Variants in PLCZ1 observed in about 807,000 individuals in gnomAD.
PLCZ1 encodes the protein phospholipase C zeta 1.
A neutral mutation model predicts 76.8 loss-of-function variants in PLCZ1; 64 were observed. The ratio of observed to expected loss-of-function variants is 0.83; its 90% confidence interval spans 0.68 to 1.03. The LOEUF (loss-of-function observed/expected upper bound fraction) is 1.03. Ranked by LOEUF, PLCZ1 falls within the 50% of genes least tolerant of loss-of-function variation. The pLI, the probability that PLCZ1 is intolerant of heterozygous loss-of-function variation, is 0.00. For missense variants in PLCZ1, 751 were observed against 713.7 expected (o/e 1.05, Z -0.60); for synonymous variants, 248 against 230.8 (o/e 1.07, Z -0.68).
chr12:18,731,406 T>C (rs1959040036), intron 3 of PLCZ1, among the ~76,000 whole-genome samples: 1 of 152,132 alleles, frequency 6.6e-6, no homozygotes, highest in African/African-American at 2.4e-5. Context: ...AGGTACCTAC[T>C]CTATAATGCA....
At chr12:18,676,230 T>G in the PLCZ1 span, among the ~76,000 whole-genome samples, 6 of 152,260 alleles carry the variant, frequency 3.9e-5, no homozygotes, top group Admixed American at 6.5e-5. Flanking sequence ...TTGTTTGACC[T>G]TTAGGTCAAG....
chr12:18,732,021 T>C (rs1959074966), intron 3 of PLCZ1, among the ~76,000 whole-genome samples: 1 of 152,200 alleles, frequency 6.6e-6, no homozygotes. Context: ...TGAGGTATAA[T>C]TGACATACAG....
the PLCZ1 span, among the ~76,000 whole-genome samples, chr12:18,646,838 C>T: frequency 1.3e-5 from 2 of 151,708 alleles, no homozygotes; most frequent in Non-Finnish European, 2.9e-5. Context: ...GTTGCTTTAC[C>T]ACTGCAGGTT....
At chr12:18,680,779 C>A (rs1952336286), downstream of PLCZ1, among the ~76,000 whole-genome samples, 11 of 152,104 alleles carry the variant, frequency 7.2e-5, no homozygotes, top group South Asian at 2.3e-3. Flanking sequence ...TTAGAAAGGA[C>A]TCACTATTGG....
At chr12:18,696,350 A>ATC in intron 10 of PLCZ1, 84 bp from the exon 11 acceptor site, 2 of 247,362 alleles carry the variant, frequency 8.1e-6, no homozygotes, top group Non-Finnish European at 6.9e-6. Flanking sequence ...ATATATATAT[A>ATC]TCATATAATT....
intron 3 of PLCZ1, among the ~76,000 whole-genome samples, chr12:18,724,785 G>A (rs900406359): frequency 6.6e-6 from 1 of 151,878 alleles, no homozygotes; most frequent in Non-Finnish European, 1.5e-5. Context: ...AAAATCTTAA[G>A]CAAGTCAATA....
intron 3 of PLCZ1, among the ~76,000 whole-genome samples, chr12:18,729,623 C>T (rs1958936469): frequency 6.6e-6 from 1 of 151,994 alleles, no homozygotes; most frequent in Non-Finnish European, 1.5e-5. Flanking sequence ...AACCAACAAT[C>T]AAAAGTGTAA....
In PLCZ1 at chr12:18,719,525, G is replaced by T. The variant is rs200664557; in HGVS notation, c.475C>A (p.His159Asn). The change falls in exon 5 of 15, where the codon CAT becomes AAT. Residue 159 changes from histidine (H) to asparagine (N), a missense_variant. Transcript: ENST00000266505. ...ECRKVYQDMT[H>N]PLNDYFISSS... ...GAAATAAAATAATCATTTAATGGAT[G>T]AGTCATATCTTGATAAACTTTTCTA... is the stretch of plus-strand genomic sequence containing the variant. 6.3e-7 allele frequency: 1 copy of T among 1,584,862 alleles called. No homozygotes were observed. The highest frequency in any genetic ancestry group is 1.7e-5 in the Admixed American group (1 of 58,452).
the PLCZ1 span, among the ~76,000 whole-genome samples, chr12:18,674,933 T>C: frequency 6.6e-6 from 1 of 152,084 alleles, no homozygotes; most frequent in Non-Finnish European, 1.5e-5. Context: ...TCAGCTATGT[T>C]AGCATTCAAC....
At chr12:18,699,694 G>T in intron 10 of PLCZ1, 100 bp downstream of exon 10, 1 of 1,251,200 alleles carries the variant, frequency 8.0e-7, no homozygotes, top group Non-Finnish European at 1.2e-6. Context: ...GAAATTTTAT[G>T]AGAATATACA....
At chr12:18,732,255 G>C (rs559813592) in intron 3 of PLCZ1, among the ~76,000 whole-genome samples, 1 of 152,156 alleles carries the variant, frequency 6.6e-6, no homozygotes, top group South Asian at 2.1e-4. Flanking sequence ...GAGCTCAAAG[G>C]ATCCTTCCAC....
At chr12:18,656,011 C>T in the PLCZ1 span, among the ~76,000 whole-genome samples, 1 of 152,212 alleles carries the variant, frequency 6.6e-6, no homozygotes, top group South Asian at 2.1e-4. Flanking sequence ...TAGCTAATAA[C>T]AATATATCAA....
chr12:18,658,749 A>G, the PLCZ1 span, among the ~76,000 whole-genome samples: 1 of 152,142 alleles, frequency 6.6e-6, no homozygotes, highest in African/African-American at 2.4e-5. Flanking sequence ...GGTTTTACAT[A>G]TTCTATTTCA....
At chr12:18,693,195 G>A (rs897717153) in intron 12 of PLCZ1, 2 of 1,565,064 alleles carry the variant, frequency 1.3e-6, no homozygotes, top group Admixed American at 3.3e-5. Context: ...TTCATTTGCA[G>A]ACAAGGATCT....
chr12:18,731,418 C>T (rs996712403), intron 3 of PLCZ1, among the ~76,000 whole-genome samples: 10 of 152,002 alleles, frequency 6.6e-5, no homozygotes, highest in African/African-American at 1.9e-4. Flanking sequence ...TATAATGCAA[C>T]TCACTGTGTG....
At chr12:18,717,977 A>C (rs1958174181) in intron 5 of PLCZ1, among the ~76,000 whole-genome samples, 1 of 152,270 alleles carries the variant, frequency 6.6e-6, no homozygotes, top group East Asian at 1.9e-4. Flanking sequence ...AGTGAGCTAC[A>C]GATCCCACTC....
intron 6 of PLCZ1, among the ~76,000 whole-genome samples, chr12:18,707,815 G>A (rs1216212410): frequency 6.6e-6 from 1 of 152,102 alleles, no homozygotes; most frequent in African/African-American, 2.4e-5. Context: ...GTCTCATTGA[G>A]TCTCCACTGC....
chr12:18,652,888 T>A, the PLCZ1 span, among the ~76,000 whole-genome samples: 1 of 151,974 alleles, frequency 6.6e-6, no homozygotes, highest in Non-Finnish European at 1.5e-5. Flanking sequence ...ATTGAACATA[T>A]ACATATATAT....
At chr12:18,696,120 G>A (rs772913221) in intron 11 of PLCZ1, 30 bp downstream of exon 11, 19 of 1,144,026 alleles carry the variant, frequency 1.7e-5, no homozygotes, top group Non-Finnish European at 2.1e-5. Flanking sequence ...TGTTACTTCT[G>A]CAAACAACTC....
Sources: allele counts gnomAD v4.1 joint callset (sites outside exome capture counted in the v4.1 genomes callset), GRCh38; gene constraint gnomAD v4.1.1; transcripts MANE v1.5; gene names NCBI Gene and HGNC (gene_info 2026-07-23, HGNC 2026-07-21).